POU2AF2: variants seen among roughly 807,000 people sequenced by gnomAD.
POU2AF2 encodes the protein POU domain class 2-associating factor 2.
chr11:111,257,636 A>T, the POU2AF2 span, among the ~76,000 whole-genome samples: 1 of 152,038 alleles, frequency 6.6e-6, no homozygotes, highest in Non-Finnish European at 1.5e-5. Context: ...GGCCTCTCAG[A>T]GTGCTGGGAT....
chr11:111,252,382 C>T, the POU2AF2 span, among the ~76,000 whole-genome samples: 12 of 152,092 alleles, frequency 7.9e-5, no homozygotes, highest in East Asian at 1.9e-4. Flanking sequence ...GTAGGGTCGG[C>T]GAATTTGCAT....
chr11:111,262,304 T>G, the POU2AF2 span, among the ~76,000 whole-genome samples: 1 of 152,206 alleles, frequency 6.6e-6, no homozygotes, highest in Non-Finnish European at 1.5e-5. Context: ...CATAGAGCAA[T>G]TGCCATAAAG....
chr11:111,284,075 G>T, the POU2AF2 span: 2 of 1,607,728 alleles, frequency 1.2e-6, no homozygotes, highest in African/African-American at 2.7e-5. Flanking sequence ...TTTGGCAACA[G>T]GTTCGCCGGT....
the POU2AF2 span, chr11:111,245,870 C>T: frequency 5.0e-6 from 2 of 398,756 alleles, no homozygotes; most frequent in Non-Finnish European, 8.9e-6. Flanking sequence ...AGTGGTAAGT[C>T]AACATCAATT....
chr11:111,272,675 C>T, the POU2AF2 span, among the ~76,000 whole-genome samples: 7 of 152,270 alleles, frequency 4.6e-5, no homozygotes, highest in African/African-American at 1.2e-4. Context: ...CCTGTTTTTG[C>T]GATGAAACTG....
the POU2AF2 span, among the ~76,000 whole-genome samples, chr11:111,267,533 C>T: frequency 6.6e-6 from 1 of 152,206 alleles, no homozygotes; most frequent in Non-Finnish European, 1.5e-5. Flanking sequence ...TTCTGAATAT[C>T]GGCAAGTTAT....
the POU2AF2 span, among the ~76,000 whole-genome samples, chr11:111,246,847 CA>C: frequency 6.6e-6 from 1 of 152,082 alleles, no homozygotes; most frequent in Non-Finnish European, 1.5e-5. Flanking sequence ...ACTTATTTAA[CA>C]AAAATCCCTA....
chr11:111,268,244 C>G, the POU2AF2 span, among the ~76,000 whole-genome samples: 1 of 152,154 alleles, frequency 6.6e-6, no homozygotes, highest in African/African-American at 2.4e-5. Context: ...GCATCCCGAG[C>G]TCTGCAGGTA....
chr11:111,254,126 A>C, the POU2AF2 span, among the ~76,000 whole-genome samples: 1 of 152,208 alleles, frequency 6.6e-6, no homozygotes, highest in East Asian at 1.9e-4. Context: ...TCAATCAATA[A>C]TCAATAAATC....
chr11:111,268,741 T>C, the POU2AF2 span, among the ~76,000 whole-genome samples: 1 of 151,518 alleles, frequency 6.6e-6, no homozygotes, highest in Admixed American at 6.6e-5. Flanking sequence ...AGAGACGGGG[T>C]TTCACGGTAT....
chr11:111,258,778 TC>T, the POU2AF2 span, among the ~76,000 whole-genome samples: 1 of 152,210 alleles, frequency 6.6e-6, no homozygotes, highest in Non-Finnish European at 1.5e-5. Flanking sequence ...TTTTACAAGC[TC>T]CTTGGATGGT....
chr11:111,264,258 G>T, the POU2AF2 span, among the ~76,000 whole-genome samples: 1 of 152,080 alleles, frequency 6.6e-6, no homozygotes, highest in South Asian at 2.1e-4. Flanking sequence ...CACTTTGGGA[G>T]GCCGAGGTGG....
chr11:111,278,765 G>A, the POU2AF2 span, among the ~76,000 whole-genome samples: 2 of 152,294 alleles, frequency 1.3e-5, no homozygotes, highest in East Asian at 3.9e-4. Context: ...GATATTTGAA[G>A]GGCTGTGTAT....
the POU2AF2 span, among the ~76,000 whole-genome samples, chr11:111,263,622 A>T: frequency 6.6e-6 from 1 of 151,966 alleles, no homozygotes; most frequent in East Asian, 1.9e-4. Flanking sequence ...TAGTAGAGAC[A>T]GGGTTTCACC....
the POU2AF2 span, among the ~76,000 whole-genome samples, chr11:111,269,298 T>A: frequency 1.3e-5 from 2 of 152,206 alleles, no homozygotes; most frequent in Non-Finnish European, 2.9e-5. Context: ...GGCATTCATT[T>A]GAATGAATGC....
chr11:111,285,508 G>A, the POU2AF2 span: 1,311 of 740,986 alleles, frequency 1.8e-3, 4 homozygotes, highest in South Asian at 3.4e-3. Flanking sequence ...GTCAAAAGCC[G>A]GAGAGAAGAG....
the POU2AF2 span, among the ~76,000 whole-genome samples, chr11:111,257,819 GATAAAAATATCAAT>G: frequency 1.3e-5 from 2 of 152,130 alleles, no homozygotes; most frequent in Non-Finnish European, 2.9e-5. Flanking sequence ...TGGGGTGTGT[GATAAAAATATCAAT>G]ACAGCAGGGC....
At chr11:111,272,507 C>T in the POU2AF2 span, among the ~76,000 whole-genome samples, 150 of 152,180 alleles carry the variant, frequency 9.9e-4, no homozygotes, top group African/African-American at 3.5e-3. Context: ...CATAAAGAAC[C>T]CAGACATTAG....
the POU2AF2 span, among the ~76,000 whole-genome samples, chr11:111,259,251 G>A: frequency 6.7e-6 from 1 of 150,312 alleles, no homozygotes; most frequent in East Asian, 2.0e-4. Context: ...GAGAAGCGAA[G>A]TAATTATTTC....
Sources: allele counts gnomAD v4.1 joint callset (sites outside exome capture counted in the v4.1 genomes callset), GRCh38; gene constraint gnomAD v4.1.1; transcripts MANE v1.5; gene names NCBI Gene and HGNC (gene_info 2026-07-23, HGNC 2026-07-21).